IKZF1: variants seen among roughly 807,000 people sequenced by gnomAD.
The protein encoded by IKZF1 is DNA-binding protein Ikaros.
IKZF1 carries 10 observed loss-of-function variants against 51.7 expected under a neutral mutation model. The observed-to-expected ratio is 0.19, with a 90% confidence interval of 0.12 to 0.33. The LOEUF is 0.33. IKZF1 is among the 10% of genes least tolerant of loss of function. The probability of loss-of-function intolerance (pLI) is 1.00; values close to 1 mark genes in which losing one functional copy is unlikely to be tolerated. For missense variants in IKZF1, 484 were observed against 707.5 expected (o/e 0.68, Z 3.58); for synonymous variants, 280 against 282.3 (o/e 0.99, Z 0.08).
At chr7:50,341,021 G>A (rs1355473467) in intron 3 of IKZF1, among the ~76,000 whole-genome samples, 1 of 152,046 alleles carries the variant, frequency 6.6e-6, no homozygotes, top group African/African-American at 2.4e-5. Context: ...GGTTTTATAT[G>A]TGTTAGTTAA....
At chr7:50,335,257 TTG>T (rs1476440238) in intron 3 of IKZF1, among the ~76,000 whole-genome samples, 1 of 143,570 alleles carries the variant, frequency 7.0e-6, no homozygotes, top group East Asian at 2.2e-4. Context: ...TGTATATGTG[TTG>T]TGTGTGAGAT....
intron 3 of IKZF1, among the ~76,000 whole-genome samples, chr7:50,361,348 C>G (rs1052407714): frequency 2.0e-4 from 30 of 152,134 alleles, no homozygotes; most frequent in African/African-American, 7.2e-4. Context: ...CAGCAAATAT[C>G]ATTTTTACAA....
chr7:50,367,587 A>G (rs1213387352), intron 3 of IKZF1: 1 of 156,250 alleles, frequency 6.4e-6, no homozygotes, highest in African/African-American at 2.4e-5. Context: ...CTGAATGAAG[A>G]ACATTTGCGA....
intron 6 of IKZF1, among the ~76,000 whole-genome samples, chr7:50,390,966 T>C (rs978148794): frequency 1.3e-5 from 2 of 152,198 alleles, no homozygotes; most frequent in African/African-American, 4.8e-5. Context: ...TATCATCTCC[T>C]TATACACTAG....
chr7:50,335,415 TG>T (rs1797461582), intron 3 of IKZF1, among the ~76,000 whole-genome samples: 1 of 123,842 alleles, frequency 8.1e-6, no homozygotes, highest in African/African-American at 3.2e-5. Context: ...TGTGTATGTG[TG>T]GTGTGTATGT....
intron 2 of IKZF1, among the ~76,000 whole-genome samples, chr7:50,319,836 T>C (rs902816359): frequency 1.3e-5 from 2 of 152,232 alleles, no homozygotes; most frequent in African/African-American, 4.8e-5. Context: ...GGCTGACTTA[T>C]ATTTGAGAAA....
At chr7:50,314,841 G>T (rs531990839) in intron 1 of IKZF1, among the ~76,000 whole-genome samples, 2 of 152,224 alleles carry the variant, frequency 1.3e-5, no homozygotes, top group African/African-American at 4.8e-5. Flanking sequence ...TCTTGCCAAG[G>T]CTCCTCACCT....
At chr7:50,354,914 A>C (rs1276674312) in intron 3 of IKZF1, among the ~76,000 whole-genome samples, 1 of 152,196 alleles carries the variant, frequency 6.6e-6, no homozygotes, top group Non-Finnish European at 1.5e-5. Context: ...CAGCATCAGT[A>C]CTATGCTTCA....
At chr7:50,385,643 T>C (rs1813160277) in intron 5 of IKZF1, among the ~76,000 whole-genome samples, 1 of 152,200 alleles carries the variant, frequency 6.6e-6, no homozygotes, top group Non-Finnish European at 1.5e-5. Flanking sequence ...AGAGTTAAAC[T>C]CAATCATATT....
chr7:50,401,447 A>T lies in IKZF1; in HGVS notation c.*820A>T. 4.4e-6 allele frequency: 1 copy of T among 225,444 alleles called. No homozygotes were observed. The highest frequency in any genetic ancestry group is 8.8e-6 in the Non-Finnish European group (1 of 113,264). 14.0% of individuals were successfully genotyped at this position (225,444 alleles called of 1,614,324 possible). ...GGGGAGCCCTGTTCCCCGCTTTTTC[A>T]CTCCCATACCTTTAATGGCCCCCAA... is the stretch of plus-strand genomic sequence containing the variant. On this transcript the variant is annotated 3_prime_UTR_variant, in exon 8 of 8. Transcript: ENST00000331340.
chr7:50,304,118 C>G (rs1291114112), upstream of IKZF1: 1 of 146,244 alleles, frequency 6.8e-6, no homozygotes, highest in Non-Finnish European at 1.5e-5. Context: ...CCAGCAGGTA[C>G]GGCCCGCACC....
At position 50,404,037 on chromosome 7, in the gene IKZF1, A is replaced by G. The variant is rs1161395713; in HGVS notation, c.*3410A>G. The G allele has an allele frequency of 4.6e-6, 1 of 215,816 alleles. No individual in the cohort carries two copies. Among genetic ancestry groups the G allele is most frequent in the Admixed American group, 5.8e-5 (1 of 17,178 alleles). 13.4% of individuals were successfully genotyped at this position (215,816 alleles called of 1,614,324 possible). On this transcript the variant is annotated 3_prime_UTR_variant, in exon 8 of 8. Transcript: ENST00000331340. ...TACTTTAAGATGAACCAAAATTATT[A>G]GACTTATTTAAGATGTACAGGCATC... is the stretch of plus-strand genomic sequence containing the variant.
rs1402696402 is a variant in IKZF1 at position 50,402,562 on chromosome 7, A to G, written c.*1935A>G. ...AATGTCTGGGAAGCCCTCCAAGAAAAAAAATAGAAAAGCACTTGAAGAATA... is the reference window on the plus strand; with the variant it reads ...AATGTCTGGGAAGCCCTCCAAGAAAGAAAATAGAAAAGCACTTGAAGAATA... On this transcript the variant is annotated 3_prime_UTR_variant, in exon 8 of 8. Coordinates refer to ENST00000331340, the MANE Select transcript of IKZF1 (RefSeq NM_006060.6). 4 of 232,238 alleles carry G rather than the reference A, an allele frequency of 1.7e-5. No homozygotes were observed. The South Asian group carries it at 5.4e-4, about 31-fold the overall frequency. 14.4% of individuals were successfully genotyped at this position (232,238 alleles called of 1,614,324 possible). A position where few individuals can be genotyped will look rare whatever the true frequency, so the allele number is the denominator to read the frequency against.
chr7:50,379,775 A>C (rs1230127275), intron 4 of IKZF1, among the ~76,000 whole-genome samples: 1 of 152,170 alleles, frequency 6.6e-6, no homozygotes, highest in Non-Finnish European at 1.5e-5. Flanking sequence ...CAGTTCTTGC[A>C]GTTCAAACAC....
intron 4 of IKZF1, among the ~76,000 whole-genome samples, chr7:50,378,859 T>C (rs1430725005): frequency 6.6e-6 from 1 of 152,260 alleles, no homozygotes; most frequent in Non-Finnish European, 1.5e-5. Flanking sequence ...ATTGTTTTCA[T>C]CATGCATTTC....
chr7:50,319,168 A>G (rs749293484), intron 2 of IKZF1, 67 bp downstream of exon 2: 68 of 1,349,182 alleles, frequency 5.0e-5, no homozygotes, highest in Non-Finnish European at 7.2e-5. Flanking sequence ...CGGAAGTCAC[A>G]GTGCTTGGTA....
chr7:50,353,789 A>G (rs546429867), intron 3 of IKZF1, among the ~76,000 whole-genome samples: 23 of 152,164 alleles, frequency 1.5e-4, no homozygotes, highest in African/African-American at 1.9e-4. Flanking sequence ...TGATCCCACA[A>G]TCCTTTTACA....
At chr7:50,398,741 A>C (rs74467648) in intron 7 of IKZF1, among the ~76,000 whole-genome samples, 2 of 152,332 alleles carry the variant, frequency 1.3e-5, no homozygotes, top group African/African-American at 4.8e-5. Flanking sequence ...TAGTGGTAAA[A>C]TATAAACCGT....
intron 5 of IKZF1, among the ~76,000 whole-genome samples, chr7:50,384,318 T>C (rs1363365125): frequency 6.6e-6 from 1 of 152,176 alleles, no homozygotes; most frequent in Non-Finnish European, 1.5e-5. Flanking sequence ...GGCTGGTGCA[T>C]CACCTCCTCT....
Sources: gnomAD v4.1 joint callset for allele counts (sites outside exome capture counted in the v4.1 genomes callset) on GRCh38, gnomAD v4.1.1 for gene constraint, MANE v1.5 for transcripts, NCBI Gene and HGNC (gene_info 2026-07-23, HGNC 2026-07-21) for gene names.